The following KIAA1671 variants were observed in gnomAD, a reference collection of about 807,000 sequenced individuals.
The protein encoded by KIAA1671 is KIAA1671, also known as uncharacterized protein KIAA1671.
A neutral mutation model predicts 131.2 loss-of-function variants in KIAA1671; 52 were observed. The observed-to-expected ratio is 0.40, with a 90% confidence interval of 0.32 to 0.50. The LOEUF is 0.50. Among genes scored for constraint, KIAA1671 ranks in the 20% least tolerant of loss-of-function variants. The probability of loss-of-function intolerance (pLI) is 0.73; values close to 1 mark genes in which losing one functional copy is unlikely to be tolerated. For synonymous variants in KIAA1671, 1,003 were observed against 961.6 expected (o/e 1.04, Z -0.80); for missense variants, 2,360 against 2,364.2 (o/e 1.00, Z 0.04).
At chr22:25,097,788 G>A (rs1039253081) in intron 6 of KIAA1671, among the ~76,000 whole-genome samples, 1 of 151,836 alleles carries the variant, frequency 6.6e-6, no homozygotes, top group African/African-American at 2.4e-5. Context: ...ACACAAAGAA[G>A]GTATGACAGA....
At chr22:25,127,625 A>G (rs1348280348) in intron 6 of KIAA1671, among the ~76,000 whole-genome samples, 6 of 152,358 alleles carry the variant, frequency 3.9e-5, no homozygotes, top group African/African-American at 1.2e-4. Flanking sequence ...TGTGTCATTA[A>G]CAGCCACGGC....
intron 6 of KIAA1671, among the ~76,000 whole-genome samples, chr22:25,093,731 A>ATTT (rs1930154800): frequency 2.3e-5 from 1 of 43,566 alleles, no homozygotes; most frequent in Admixed American, 1.8e-4. Context: ...ACACACACAC[A>ATTT]CACACACTCT....
intron 6 of KIAA1671, among the ~76,000 whole-genome samples, chr22:25,143,178 T>A (rs1283408146): frequency 6.6e-6 from 1 of 152,224 alleles, no homozygotes; most frequent in Admixed American, 6.5e-5. Flanking sequence ...GACATTCACC[T>A]TCCCTTCAGG....
At chr22:25,000,886 A>G (rs571687245) in intron 1 of KIAA1671, among the ~76,000 whole-genome samples, 407 of 151,806 alleles carry the variant, frequency 2.7e-3, no homozygotes, top group South Asian at 5.6e-3. Context: ...GCCTCAAGCA[A>G]TTCTCCTGCC....
chr22:25,032,844 C>T (rs1569211318), intron 4 of KIAA1671, 148 bp downstream of exon 4: 3 of 489,940 alleles, frequency 6.1e-6, no homozygotes, highest in Non-Finnish European at 1.1e-5. Context: ...AATGTTGGGA[C>T]TTTGAAGTCC....
At chr22:24,986,284 C>T (rs1029392705) in intron 1 of KIAA1671, among the ~76,000 whole-genome samples, 3 of 152,096 alleles carry the variant, frequency 2.0e-5, no homozygotes, top group Non-Finnish European at 2.9e-5. Context: ...AGTCTTCCCT[C>T]GGTATCTGTG....
intron 6 of KIAA1671, among the ~76,000 whole-genome samples, chr22:25,158,394 A>G (rs558145889): frequency 5.5e-4 from 84 of 152,168 alleles, no homozygotes; most frequent in East Asian, 5.2e-3. Context: ...GACCTCAGGG[A>G]GCTTACAGTT....
At chr22:25,170,575 T>G (rs534758294) in intron 6 of KIAA1671, among the ~76,000 whole-genome samples, 1 of 152,138 alleles carries the variant, frequency 6.6e-6, no homozygotes, top group South Asian at 2.1e-4. Flanking sequence ...CCAGGTAGGG[T>G]GACCACTTCA....
intron 6 of KIAA1671, among the ~76,000 whole-genome samples, chr22:25,154,567 CAG>C (rs939997798): frequency 1.1e-4 from 17 of 152,202 alleles, no homozygotes; most frequent in African/African-American, 4.1e-4. Flanking sequence ...TAGGCCTGGG[CAG>C]AGTCTTTGAA....
At chr22:25,153,468 G>A (rs774549946) in intron 6 of KIAA1671, among the ~76,000 whole-genome samples, 4 of 152,184 alleles carry the variant, frequency 2.6e-5, no homozygotes, top group Non-Finnish European at 5.9e-5. Flanking sequence ...CCCCATCCTA[G>A]ACCTCACTGG....
At chr22:25,044,805 C>CAT (rs1413286553) in intron 5 of KIAA1671, among the ~76,000 whole-genome samples, 5 of 152,130 alleles carry the variant, frequency 3.3e-5, no homozygotes, top group African/African-American at 9.7e-5. Context: ...ACTTATCAAT[C>CAT]ATATATATAT....
chr22:25,001,017 T>A (rs1038598985), intron 1 of KIAA1671, among the ~76,000 whole-genome samples: 1 of 152,060 alleles, frequency 6.6e-6, no homozygotes, highest in Non-Finnish European at 1.5e-5. Context: ...ACGTGGAGAT[T>A]TTTTTCTGTG....
intron 6 of KIAA1671, among the ~76,000 whole-genome samples, chr22:25,108,869 A>G (rs1372931861): frequency 6.6e-6 from 1 of 152,108 alleles, no homozygotes; most frequent in Admixed American, 6.6e-5. Context: ...GGCCAGGTCT[A>G]CGGTCAGCTA....
At chr22:25,032,369 C>G (rs920311426) in intron 3 of KIAA1671, among the ~76,000 whole-genome samples, 4 of 152,200 alleles carry the variant, frequency 2.6e-5, no homozygotes, top group Admixed American at 1.3e-4. Flanking sequence ...CCAAGCTCCC[C>G]CAGTGAAGAG....
At chr22:25,075,022 C>A (rs1369949472) in intron 6 of KIAA1671, among the ~76,000 whole-genome samples, 1 of 152,160 alleles carries the variant, frequency 6.6e-6, no homozygotes, top group Admixed American at 6.5e-5. Flanking sequence ...GTATACCCTT[C>A]GCCCGGTTCC....
At chr22:25,180,545 AAAAG>A (rs1055943722) in intron 9 of KIAA1671, among the ~76,000 whole-genome samples, 19 of 152,172 alleles carry the variant, frequency 1.2e-4, no homozygotes, top group African/African-American at 4.6e-4. Flanking sequence ...TCAAAAAAAA[AAAAG>A]AAGAAAAAAT....
chr22:25,130,743 A>C (rs1932407682), intron 6 of KIAA1671, among the ~76,000 whole-genome samples: 1 of 152,196 alleles, frequency 6.6e-6, no homozygotes, highest in East Asian at 1.9e-4. Context: ...CAGGTGACCC[A>C]GCCTCTGGGT....
chr22:25,093,820 C>T lies in KIAA1671; in HGVS notation c.4530+44456C>T, dbSNP rs1568951487. On this transcript the variant is annotated intron_variant, in intron 6 of 12. Transcript: ENST00000358431. ...TCTCTCTCTCTCTCTCTGTCTCTCT[C>T]TCTTTCTCTCTCTGTCTGTCTCTCT... Among the ~76,000 whole-genome samples the T allele has an allele frequency of 1.8e-4, 18 of 100,652 alleles. 3 individuals carry two copies. Among genetic ancestry groups the T allele is most frequent in the African/African-American group, 6.3e-4 (15 of 23,940 alleles). The allele number at this position is 100,652 out of a possible 152,430, so 66.0% of individuals were successfully genotyped here.
At position 25,027,992 on chromosome 22, in the gene KIAA1671, C is replaced by T. The variant is rs2145786238; in HGVS notation, c.-8C>T. 6.8e-7 allele frequency: 1 copy of T among 1,469,276 alleles called. No individual in the cohort carries two copies. The highest frequency in any genetic ancestry group is 2.5e-5 in the East Asian group (1 of 40,040). 91.0% of individuals were successfully genotyped at this position (1,469,276 alleles called of 1,614,324 possible). On this transcript the variant is annotated 5_prime_UTR_variant, in exon 3 of 13. Coordinates refer to ENST00000358431, the MANE Select transcript of KIAA1671 (RefSeq NM_001145206.2). ...GTTCCTAACCCCCATGAATCCACAA[C>T]CATAACCATGGCCACGCGGGTCGAG...
Sources: gnomAD v4.1 joint callset for allele counts (sites outside exome capture counted in the v4.1 genomes callset) on GRCh38, gnomAD v4.1.1 for gene constraint, MANE v1.5 for transcripts, NCBI Gene and HGNC (gene_info 2026-07-23, HGNC 2026-07-21) for gene names.